The following IGSF5 variants were observed in gnomAD, a reference collection of about 807,000 sequenced individuals.
IGSF5 encodes the protein immunoglobulin superfamily 5 like.
Under a neutral mutation model 39.4 loss-of-function variants are expected in IGSF5, and 41 were observed. The observed-to-expected ratio is 1.04, with a 90% CI of 0.81 to 1.35. IGSF5 has a LOEUF of 1.35. Ranked by LOEUF, IGSF5 falls within the 40% of genes most tolerant of loss-of-function variation. IGSF5 has a pLI of 0.00. For missense variants in IGSF5, 487 were observed against 494.6 expected, an observed-to-expected ratio of 0.98 and a Z score of 0.15; for synonymous variants, 183 against 175.3, an observed-to-expected ratio of 1.04 and a Z score of -0.34.
chr21:39,740,126 C>T, the IGSF5 span, among the ~76,000 whole-genome samples: 15 of 152,174 alleles, frequency 9.9e-5, no homozygotes, highest in African/African-American at 1.4e-4. Context: ...ACTATGTCCT[C>T]GTGAGATTCC....
upstream of IGSF5, among the ~76,000 whole-genome samples, chr21:39,743,644 G>T (rs111365974): frequency 0.013 from 1,942 of 144,912 alleles, 17 homozygotes; most frequent in Non-Finnish European, 0.019. Flanking sequence ...GGGATGTTGG[G>T]GTAGGGAGGT....
At chr21:39,762,771 T>C (rs569596123) in intron 2 of IGSF5, among the ~76,000 whole-genome samples, 1 of 152,242 alleles carries the variant, frequency 6.6e-6, no homozygotes, top group East Asian at 1.9e-4. Flanking sequence ...CACTATATAG[T>C]GTTCAATGAA....
the IGSF5 span, among the ~76,000 whole-genome samples, chr21:39,711,967 C>T: frequency 7.2e-5 from 11 of 152,262 alleles, no homozygotes; most frequent in Admixed American, 2.0e-4. Flanking sequence ...ATGAGACTCT[C>T]GCTGTGTCCC....
In IGSF5 at chr21:39,801,388, T is replaced by C. The variant is rs1327256928; in HGVS notation, c.*31T>C. 2 of 1,510,660 alleles carry C rather than the reference T, an allele frequency of 1.3e-6. No homozygotes were observed. Among genetic ancestry groups the C allele is most frequent in the Non-Finnish European group, 1.8e-6 (2 of 1,086,830 alleles). 93.6% of individuals were successfully genotyped at this position (1,510,660 alleles called of 1,614,324 possible). On this transcript the variant is annotated 3_prime_UTR_variant, in exon 9 of 9. Coordinates refer to ENST00000380588, the MANE Select transcript of IGSF5 (RefSeq NM_001080444.2). ...CCTTCCCCAAGCTCCACTGAGCACT[T>C]GGCTGACAATTCAAAACACGGCGAT...
chr21:39,773,832 A>T (rs1002003785), intron 4 of IGSF5, among the ~76,000 whole-genome samples: 4 of 152,232 alleles, frequency 2.6e-5, no homozygotes, highest in African/African-American at 9.6e-5. Context: ...AATAAAATGG[A>T]CTGGTTAAAG....
chr21:39,712,009 C>T, the IGSF5 span, among the ~76,000 whole-genome samples: 1 of 152,270 alleles, frequency 6.6e-6, no homozygotes, highest in East Asian at 1.9e-4. Context: ...TGGGGAGCTG[C>T]AACGATGGGA....
chr21:39,721,664 G>A, the IGSF5 span, among the ~76,000 whole-genome samples: 561 of 149,196 alleles, frequency 3.8e-3, 2 homozygotes, highest in African/African-American at 0.013. Context: ...ACCAAACCTG[G>A]CCATCTGTCC....
At chr21:39,766,176 A>T (rs1172026830) in intron 3 of IGSF5, among the ~76,000 whole-genome samples, 1 of 151,590 alleles carries the variant, frequency 6.6e-6, no homozygotes, top group Non-Finnish European at 1.5e-5. Context: ...CTTCTTCCTC[A>T]CTTCCTCCCA....
chr21:39,746,583 C>T (rs1366607437), intron 2 of IGSF5, among the ~76,000 whole-genome samples: 1 of 152,140 alleles, frequency 6.6e-6, no homozygotes, highest in African/African-American at 2.4e-5. Flanking sequence ...ATTATTCTTA[C>T]TAAAACCCAA....
intron 4 of IGSF5, among the ~76,000 whole-genome samples, chr21:39,774,600 C>T (rs903534001): frequency 6.6e-6 from 1 of 152,182 alleles, no homozygotes; most frequent in Non-Finnish European, 1.5e-5. Flanking sequence ...ATACAAACCT[C>T]GAGCATTGCA....
intron 8 of IGSF5, among the ~76,000 whole-genome samples, chr21:39,794,421 G>C (rs557417276): frequency 2.0e-5 from 3 of 152,170 alleles, no homozygotes; most frequent in Admixed American, 6.5e-5. Flanking sequence ...GCAATGTTTC[G>C]ATGGGAGCTG....
chr21:39,746,298 G>A lies in IGSF5; in HGVS notation c.100G>A (p.Gly34Ser), dbSNP rs774372990. The A allele has an allele frequency of 3.6e-5, 25 of 700,832 alleles. No individual in the cohort carries two copies. Among genetic ancestry groups the A allele is most frequent in the Admixed American group, 6.0e-5 (3 of 49,952 alleles). 43.4% of individuals were successfully genotyped at this position (700,832 alleles called of 1,614,324 possible). ...ATGGTGGCAAACAGCAGTGGTGGAC[G>A]GTGAGTGAAAGCTCAGCTCGAGCCG... Reference protein sequence around the residue: ...LRWWQTAVVDGSGSGNEVIEG... With the variant: ...LRWWQTAVVDSSGSGNEVIEG... The change falls in exon 2 of 9, where the codon GGT (glycine) becomes AGT (serine). Residue 34 changes from glycine to serine, a missense_variant and splice_region_variant. Coordinates refer to ENST00000380588, the MANE Select transcript of IGSF5 (RefSeq NM_001080444.2).
At chr21:39,790,593 A>C (rs2086958333) in intron 6 of IGSF5, among the ~76,000 whole-genome samples, 1 of 151,668 alleles carries the variant, frequency 6.6e-6, no homozygotes, top group Non-Finnish European at 1.5e-5. Context: ...AGGAGGCAGA[A>C]GTTACAGTGA....
the IGSF5 span, among the ~76,000 whole-genome samples, chr21:39,727,181 A>G: frequency 3.4e-4 from 52 of 152,290 alleles, 1 homozygote; most frequent in Admixed American, 7.2e-4. Flanking sequence ...TTTGCTTCCT[A>G]TCCCTGAGAA....
Position 39,745,517 on chromosome 21 carries a change from A to G in IGSF5, c.8A>G (p.Gln3Arg). The change falls in exon 1 of 9, where the codon CAG (glutamine) becomes CGG (arginine). Residue 3 changes from glutamine to arginine, a missense_variant. Physicochemically the swap from Gln to Arg is conservative, Grantham distance 43 (BLOSUM62 1). Coordinates refer to ENST00000380588, the MANE Select transcript of IGSF5 (RefSeq NM_001080444.2). ...GTTCGGGACCCAGGAGGTATGGGTCAGAAGGAAAGGTAAGGGCGCATGCGT... is the reference window on the plus strand; with the variant it reads ...GTTCGGGACCCAGGAGGTATGGGTCGGAAGGAAAGGTAAGGGCGCATGCGT... MGQKERSTADTLP... is the reference protein window; with the variant it reads MGRKERSTADTLP... 2 of 717,072 alleles carry G rather than the reference A, an allele frequency of 2.8e-6. No homozygotes were observed. The highest frequency in any genetic ancestry group is 1.5e-5 in the South Asian group (1 of 67,590). 44.4% of individuals were successfully genotyped at this position (717,072 alleles called of 1,614,324 possible). A position where few individuals can be genotyped will look rare whatever the true frequency, so the allele number is the denominator to read the frequency against.
At chr21:39,748,301 C>CTTTTTTTTTTTTTTTTTTTTTT in intron 2 of IGSF5, among the ~76,000 whole-genome samples, 1 of 58,216 alleles carries the variant, frequency 1.7e-5, no homozygotes, top group Non-Finnish European at 3.0e-5. Context: ...AAAACAAGAT[C>CTTTTTTTTTTTTTTTTTTTTTT]TTTTTTTTTT....
At chr21:39,772,450 G>A (rs1426239432) in intron 4 of IGSF5, among the ~76,000 whole-genome samples, 3 of 152,188 alleles carry the variant, frequency 2.0e-5, no homozygotes, top group African/African-American at 7.2e-5. Flanking sequence ...AACAGAAATG[G>A]ATTTTCTCAC....
the IGSF5 span, among the ~76,000 whole-genome samples, chr21:39,716,370 G>T: frequency 1.1e-4 from 16 of 151,986 alleles, no homozygotes; most frequent in African/African-American, 3.9e-4. Context: ...TTTAGGTTTG[G>T]GGGTACATGT....
At chr21:39,744,096 A>G (rs2079960181), upstream of IGSF5, among the ~76,000 whole-genome samples, 1 of 151,928 alleles carries the variant, frequency 6.6e-6, no homozygotes, top group Non-Finnish European at 1.5e-5. Flanking sequence ...CCACCCATGG[A>G]CCTCTGCTTA....
Sources: allele counts gnomAD v4.1 joint callset (sites outside exome capture counted in the v4.1 genomes callset), GRCh38; gene constraint gnomAD v4.1.1; transcripts MANE v1.5; gene names NCBI Gene and HGNC (gene_info 2026-07-23, HGNC 2026-07-21).